Variants in CSMD1 observed in about 807,000 individuals in gnomAD.
The protein encoded by CSMD1 is CUB and Sushi multiple domains 1.
Under a neutral mutation model 417.5 loss-of-function variants are expected in CSMD1, and 213 were observed. The ratio of observed to expected loss-of-function variants is 0.51; its 90% CI spans 0.46 to 0.57. CSMD1 has a LOEUF of 0.57. Ranked by LOEUF, CSMD1 falls within the 20% of genes least tolerant of loss-of-function variation. The probability of loss-of-function intolerance (pLI) is 0.00; values close to 1 mark genes in which losing one functional copy is unlikely to be tolerated. For synonymous variants in CSMD1, 2,862 were observed against 1,736.8 expected, an observed-to-expected ratio of 1.65 and a Z score of -16.11; for missense variants, 6,923 against 4,529.7, an observed-to-expected ratio of 1.53 and a Z score of -15.17.
At chr8:3,563,157 A>T (rs1585373841) in intron 10 of CSMD1, among the ~76,000 whole-genome samples, 1 of 152,084 alleles carries the variant, frequency 6.6e-6, no homozygotes, top group South Asian at 2.1e-4. Context: ...GTCCTAATGT[A>T]TTTGGCACTG....
At chr8:3,872,983 C>A (rs542080111) in intron 5 of CSMD1, among the ~76,000 whole-genome samples, 3 of 151,878 alleles carry the variant, frequency 2.0e-5, no homozygotes, top group South Asian at 2.1e-4. Context: ...TAGAGAAACG[C>A]AAATCAAAAC....
intron 47 of CSMD1, among the ~76,000 whole-genome samples, chr8:3,094,712 T>C (rs117554834): frequency 0.016 from 2,416 of 147,692 alleles, 24 homozygotes; most frequent in Non-Finnish European, 0.025. Flanking sequence ...CCATAGAGAG[T>C]AATATACTCT....
intron 26 of CSMD1, 137 bp downstream of exon 26, chr8:3,284,007 C>T (rs1051794157): frequency 9.1e-6 from 7 of 772,386 alleles, no homozygotes; most frequent in Non-Finnish European, 1.3e-5. Context: ...CTGCAACATG[C>T]ATTTTCCTAA....
At chr8:3,909,904 T>C (rs1173104435) in intron 5 of CSMD1, among the ~76,000 whole-genome samples, 1 of 152,182 alleles carries the variant, frequency 6.6e-6, no homozygotes, top group Non-Finnish European at 1.5e-5. Flanking sequence ...AAGCCCTGTA[T>C]TAAAGCTGCT....
chr8:3,782,159 A>G (rs1799218405), intron 5 of CSMD1, among the ~76,000 whole-genome samples: 2 of 152,244 alleles, frequency 1.3e-5, no homozygotes, highest in African/African-American at 4.8e-5. Flanking sequence ...AAGAGAAAAC[A>G]AACGAAGTCA....
intron 1 of CSMD1, among the ~76,000 whole-genome samples, chr8:4,756,570 G>T (rs1297834839): frequency 6.6e-6 from 1 of 152,180 alleles, no homozygotes; most frequent in Non-Finnish European, 1.5e-5. Flanking sequence ...TTGAAATAGA[G>T]CATGCGTTCT....
intron 5 of CSMD1, among the ~76,000 whole-genome samples, chr8:3,845,602 C>T (rs541188126): frequency 3.9e-4 from 59 of 152,136 alleles, no homozygotes; most frequent in South Asian, 1.2e-3. Flanking sequence ...TACACTACTG[C>T]GGGATCTATA....
At chr8:4,312,129 T>A (rs933334384) in intron 3 of CSMD1, among the ~76,000 whole-genome samples, 14 of 151,950 alleles carry the variant, frequency 9.2e-5, no homozygotes, top group African/African-American at 3.1e-4. Flanking sequence ...CTTTTAAAAA[T>A]CAAAATATAT....
intron 3 of CSMD1, among the ~76,000 whole-genome samples, chr8:4,269,601 T>C (rs577688937): frequency 2.6e-5 from 4 of 152,300 alleles, no homozygotes; most frequent in African/African-American, 7.2e-5. Flanking sequence ...TCACATACAG[T>C]TTAACCTCAT....
At chr8:4,291,942 G>A (rs1797390720) in intron 3 of CSMD1, among the ~76,000 whole-genome samples, 1 of 152,198 alleles carries the variant, frequency 6.6e-6, no homozygotes, top group Non-Finnish European at 1.5e-5. Flanking sequence ...GAAAAAGCAG[G>A]CAGGGAGCCT....
intron 1 of CSMD1, among the ~76,000 whole-genome samples, chr8:4,775,647 A>G (rs574850380): frequency 3.9e-5 from 6 of 152,186 alleles, no homozygotes. Flanking sequence ...TTTATTTTCA[A>G]AAACATCATC....
chr8:3,429,924 T>G (rs1044624665), intron 12 of CSMD1, among the ~76,000 whole-genome samples: 7 of 152,176 alleles, frequency 4.6e-5, no homozygotes, highest in African/African-American at 1.4e-4. Flanking sequence ...CCACACTGTC[T>G]ATTTCTTATA....
At chr8:4,576,920 T>C (rs1363292232) in intron 2 of CSMD1, among the ~76,000 whole-genome samples, 1 of 152,208 alleles carries the variant, frequency 6.6e-6, no homozygotes, top group Admixed American at 6.5e-5. Context: ...AGAATGATTA[T>C]TTAGATTTAC....
At chr8:3,772,190 AC>A (rs1798611382) in intron 5 of CSMD1, among the ~76,000 whole-genome samples, 3 of 7,590 alleles carry the variant, frequency 4.0e-4, no homozygotes, top group African/African-American at 6.2e-4. Flanking sequence ...ATATATATAT[AC>A]ACACACACAC....
At chr8:3,457,234 C>A (rs1816209798) in intron 12 of CSMD1, among the ~76,000 whole-genome samples, 1 of 152,066 alleles carries the variant, frequency 6.6e-6, no homozygotes, top group Admixed American at 6.6e-5. Flanking sequence ...CACTGCACCT[C>A]TCATCCTGGA....
chr8:4,966,209 C>CAAAAAAAAAAAAAAA (rs33941630), intron 1 of CSMD1, among the ~76,000 whole-genome samples: 8 of 89,132 alleles, frequency 9.0e-5, no homozygotes, highest in South Asian at 4.0e-4. Flanking sequence ...ACTAAATATA[C>CAAAAAAAAAAAAAAA]AAAAAAAAAA....
chr8:3,758,284 G>A (rs963727706), intron 5 of CSMD1, among the ~76,000 whole-genome samples: 2 of 152,224 alleles, frequency 1.3e-5, no homozygotes, highest in South Asian at 2.1e-4. Context: ...TCCTTTTATA[G>A]AGAAGCAAGG....
chr8:3,910,426 C>T (rs1808388991), intron 5 of CSMD1, among the ~76,000 whole-genome samples: 1 of 152,120 alleles, frequency 6.6e-6, no homozygotes, highest in Admixed American at 6.5e-5. Flanking sequence ...ACGCTTAATC[C>T]CTTCATAAAA....
chr8:3,640,288 C>G (rs760009508), intron 7 of CSMD1, among the ~76,000 whole-genome samples: 3 of 152,158 alleles, frequency 2.0e-5, no homozygotes, highest in Non-Finnish European at 2.9e-5. Flanking sequence ...TGTTTTGGAA[C>G]ATTTAGTCTC....
Sources: gnomAD v4.1 joint callset for allele counts (sites outside exome capture counted in the v4.1 genomes callset) on GRCh38, gnomAD v4.1.1 for gene constraint, MANE v1.5 for transcripts, NCBI Gene and HGNC (gene_info 2026-07-23, HGNC 2026-07-21) for gene names.